RHBDD1: variants seen among roughly 807,000 people sequenced by gnomAD.
RHBDD1 encodes rhomboid domain containing 1.
RHBDD1 carries 38 observed loss-of-function variants against 36.3 expected under a neutral mutation model. The observed-to-expected ratio is 1.05, with a 90% CI of 0.81 to 1.37. RHBDD1 has a LOEUF of 1.37. Among genes scored for constraint, RHBDD1 ranks in the 40% most tolerant of loss-of-function variants. The pLI is 0.00. For synonymous variants in RHBDD1, 151 were observed against 136.5 expected, an observed-to-expected ratio of 1.11 and a Z score of -0.74; for missense variants, 393 against 377.6, an observed-to-expected ratio of 1.04 and a Z score of -0.34.
intron 5 of RHBDD1, chr2:226,895,846 A>C (rs1574997211): frequency 2.0e-6 from 2 of 981,824 alleles, no homozygotes; most frequent in East Asian, 2.3e-4. Flanking sequence ...CATTGATGAG[A>C]GAAGTACTGT....
intron 8 of RHBDD1, among the ~76,000 whole-genome samples, chr2:226,926,269 A>T (rs965296528): frequency 3.9e-5 from 6 of 151,940 alleles, no homozygotes; most frequent in Non-Finnish European, 8.8e-5. Context: ...TATCTACAAC[A>T]TCATGGCCAC....
intron 8 of RHBDD1, among the ~76,000 whole-genome samples, chr2:226,930,170 A>G (rs556674338): frequency 1.3e-5 from 2 of 152,180 alleles, no homozygotes; most frequent in South Asian, 2.1e-4. Context: ...CCAAAAATTC[A>G]TATGGAACCA....
chr2:226,827,985 C>T, the RHBDD1 span, among the ~76,000 whole-genome samples: 15 of 152,210 alleles, frequency 9.9e-5, no homozygotes, highest in African/African-American at 3.1e-4. Flanking sequence ...GCAAAAAATT[C>T]GTGCATTATT....
intron 5 of RHBDD1, among the ~76,000 whole-genome samples, chr2:226,872,385 T>C (rs1944866632): frequency 6.6e-6 from 1 of 152,218 alleles, no homozygotes; most frequent in South Asian, 2.1e-4. Context: ...TGCTTTCTGA[T>C]CTCTTTTTCA....
chr2:226,807,197 G>C, the RHBDD1 span, among the ~76,000 whole-genome samples: 3 of 152,148 alleles, frequency 2.0e-5, no homozygotes, highest in Admixed American at 2.0e-4. Flanking sequence ...TGTGATAATT[G>C]AGCTAATGTT....
At chr2:226,801,441 G>A in the RHBDD1 span, among the ~76,000 whole-genome samples, 1 of 152,194 alleles carries the variant, frequency 6.6e-6, no homozygotes, top group African/African-American at 2.4e-5. Context: ...TCAGGGGTGT[G>A]CGATACGTAA....
At chr2:226,941,291 A>G (rs1317302563) in intron 8 of RHBDD1, among the ~76,000 whole-genome samples, 1 of 152,160 alleles carries the variant, frequency 6.6e-6, no homozygotes, top group African/African-American at 2.4e-5. Context: ...TAGGGCTCCC[A>G]TGAGTCTCCC....
chr2:226,959,228 G>T (rs1374515874), intron 8 of RHBDD1, among the ~76,000 whole-genome samples: 1 of 152,094 alleles, frequency 6.6e-6, no homozygotes, highest in African/African-American at 2.4e-5. Context: ...TGTTTAAGAA[G>T]GCACCGTATA....
chr2:226,821,264 T>G, the RHBDD1 span, among the ~76,000 whole-genome samples: 1 of 152,258 alleles, frequency 6.6e-6, no homozygotes, highest in African/African-American at 2.4e-5. Flanking sequence ...GAAGCTTGGG[T>G]TTATCTGATT....
chr2:226,930,779 A>C (rs997922613), intron 8 of RHBDD1, among the ~76,000 whole-genome samples: 1 of 152,084 alleles, frequency 6.6e-6, no homozygotes, highest in African/African-American at 2.4e-5. Context: ...ATGAATTCGA[A>C]CAAATCAACA....
chr2:226,925,220 C>G (rs1461689280), intron 8 of RHBDD1, among the ~76,000 whole-genome samples: 1 of 152,166 alleles, frequency 6.6e-6, no homozygotes, highest in Non-Finnish European at 1.5e-5. Flanking sequence ...TCAGTGATTC[C>G]TTGACTAGGA....
chr2:226,864,690 G>A lies in RHBDD1; in HGVS notation c.-4G>A. On this transcript the variant is annotated 5_prime_UTR_variant, in exon 4 of 9. Coordinates refer to ENST00000392062, the MANE Select transcript of RHBDD1 (RefSeq NM_001167608.3). ...TTGCTGAGCTGTTTCCCTGATATCT[G>A]GCCATGCAACGGAGATCAAGAGGGA... 1.9e-6 allele frequency: 3 copies of A among 1,610,634 alleles called. No homozygotes were observed. Among genetic ancestry groups the A allele is most frequent in the Non-Finnish European group, 2.5e-6 (3 of 1,177,668 alleles).
chr2:226,835,959 G>C (rs989618855), upstream of RHBDD1: 24 of 152,532 alleles, frequency 1.6e-4, no homozygotes, highest in African/African-American at 5.1e-4. Context: ...CGCCGCGGCC[G>C]AGCCGTCCGC....
intron 8 of RHBDD1, among the ~76,000 whole-genome samples, chr2:226,930,633 AAAT>A (rs1391604871): frequency 1.3e-5 from 2 of 151,974 alleles, no homozygotes; most frequent in African/African-American, 4.8e-5. Flanking sequence ...AAACAAAAAT[AAAT>A]AAATGGGAGC....
At chr2:226,925,742 G>A (rs189663592) in intron 8 of RHBDD1, among the ~76,000 whole-genome samples, 2 of 152,130 alleles carry the variant, frequency 1.3e-5, no homozygotes, top group East Asian at 1.9e-4. Flanking sequence ...AACTAGTTTC[G>A]TGTGCTGTTC....
chr2:226,865,422 T>C (rs1944242820), intron 4 of RHBDD1, among the ~76,000 whole-genome samples: 2 of 152,180 alleles, frequency 1.3e-5, no homozygotes, highest in African/African-American at 4.8e-5. Context: ...GACCCACAGA[T>C]GTATTTGTAA....
intron 5 of RHBDD1, among the ~76,000 whole-genome samples, chr2:226,904,049 C>A (rs1245401309): frequency 6.6e-6 from 1 of 152,160 alleles, no homozygotes; most frequent in Admixed American, 6.5e-5. Flanking sequence ...CCAATAAAAG[C>A]CCCACATTCA....
chr2:226,961,293 A>C (rs1307024730), intron 8 of RHBDD1, among the ~76,000 whole-genome samples: 2 of 152,094 alleles, frequency 1.3e-5, no homozygotes, highest in African/African-American at 4.8e-5. Flanking sequence ...TGCCTACCTG[A>C]GATAGGAGAT....
chr2:226,806,920 A>G, the RHBDD1 span, among the ~76,000 whole-genome samples: 3 of 152,236 alleles, frequency 2.0e-5, no homozygotes, highest in Non-Finnish European at 4.4e-5. Context: ...TTGAACTCCT[A>G]AGGAGGAAAT....
Sources: allele counts gnomAD v4.1 joint callset (sites outside exome capture counted in the v4.1 genomes callset), GRCh38; gene constraint gnomAD v4.1.1; transcripts MANE v1.5; gene names NCBI Gene and HGNC (gene_info 2026-07-23, HGNC 2026-07-21).